Variants in SOX30 observed in about 807,000 individuals in gnomAD.
SOX30 encodes transcription factor SOX-30.
Under a neutral mutation model 58.6 loss-of-function variants are expected in SOX30, and 17 were observed. The ratio of observed to expected loss-of-function variants is 0.29; its 90% CI spans 0.20 to 0.44. The LOEUF is 0.44. Ranked by LOEUF, SOX30 falls within the 20% of genes least tolerant of loss-of-function variation. The pLI is 1.00. For missense variants in SOX30, 951 were observed against 965.8 expected, an observed-to-expected ratio of 0.98 and a Z score of 0.20; for synonymous variants, 421 against 400.2, an observed-to-expected ratio of 1.05 and a Z score of -0.62.
intron 4 of SOX30, among the ~76,000 whole-genome samples, chr5:157,627,383 A>C (rs1251721250): frequency 6.6e-6 from 1 of 152,086 alleles, no homozygotes; most frequent in East Asian, 1.9e-4. Flanking sequence ...AAACAAACAA[A>C]AAAACCCACA....
At position 157,651,690 on chromosome 5, in the gene SOX30, G is replaced by A. The variant is rs1444939953; in HGVS notation, c.389C>T (p.Pro130Leu). The change falls in exon 1 of 5, where the codon CCC (proline) becomes CTC (leucine). Residue 130 changes from proline (P) to leucine (L), a missense_variant. By Grantham distance (98) the Pro-to-Leu change is moderately conservative. This residue lies in a region of SOX30 where 363 missense variants were observed against 294.5 expected (regional missense o/e 1.23). Coordinates refer to ENST00000265007, the MANE Select transcript of SOX30 (RefSeq NM_178424.2). ...TSRPELHPVQ[P>L]LALHVKAKKQ... ...CTTGGCCTTGACATGCAGCGCCAGG[G>A]GCTGCACCGGGTGCAACTCGGGCCT... 3.1e-6 allele frequency: 5 copies of A among 1,599,060 alleles called. No homozygotes were observed. The highest frequency in any genetic ancestry group is 4.3e-6 in the Non-Finnish European group (5 of 1,174,080).
chr5:157,658,200 G>T (rs576374358), intron 2 of SOX30, among the ~76,000 whole-genome samples: 27 of 152,254 alleles, frequency 1.8e-4, no homozygotes, highest in Non-Finnish European at 2.8e-4. Flanking sequence ...TTTAAAAAGT[G>T]GTTATGTAAA....
rs148326618 is a variant in SOX30, at chr5:157,658,185, A to G, written c.53-9289T>C. Among the ~76,000 whole-genome samples the G allele has an allele frequency of 2.4e-3, 363 of 152,326 alleles. 3 individuals are homozygous for G. The highest frequency in any genetic ancestry group is 8.4e-3 in the African/African-American group (351 of 41,560). ...TTCTATGGAATAAAGTTGCATCAAA[A>G]CCAATTTAAAAAGTGGTTATGTAAA... is the stretch of plus-strand genomic sequence containing the variant. On this transcript the variant is annotated intron_variant, in intron 2 of 5. Coordinates refer to the SOX30 transcript ENST00000519442.
intron 1 of SOX30, among the ~76,000 whole-genome samples, chr5:157,650,780 AT>A (rs1759309051): frequency 6.6e-6 from 1 of 152,192 alleles, no homozygotes; most frequent in Admixed American, 6.5e-5. Context: ...ATACTACAAT[AT>A]TTTTAATCTT....
chr5:157,650,789 CTTGA>C (rs1286281960), intron 1 of SOX30, among the ~76,000 whole-genome samples: 4 of 152,116 alleles, frequency 2.6e-5, no homozygotes, highest in Admixed American at 1.3e-4. Flanking sequence ...TATTTTTAAT[CTTGA>C]TTATTTGTAG....
intron 3 of SOX30, among the ~76,000 whole-genome samples, chr5:157,643,357 T>C (rs1180200871): frequency 2.0e-5 from 3 of 152,064 alleles, no homozygotes; most frequent in Non-Finnish European, 4.4e-5. Context: ...GAGGTGGAGG[T>C]TGCAGTGAGC....
At chr5:157,642,408 C>T (rs1046449798) in intron 3 of SOX30, among the ~76,000 whole-genome samples, 7 of 151,134 alleles carry the variant, frequency 4.6e-5, no homozygotes, top group African/African-American at 9.7e-5. Flanking sequence ...AAATATTATG[C>T]GGTAGTAATC....
At chr5:157,632,502 T>G (rs1406916172) in intron 4 of SOX30, among the ~76,000 whole-genome samples, 1 of 152,128 alleles carries the variant, frequency 6.6e-6, no homozygotes, top group East Asian at 1.9e-4. Flanking sequence ...TAATCCCAGC[T>G]ACTCGGGAGG....
chr5:157,638,751 G>T, intron 3 of SOX30, 29 bp from the exon 4 acceptor site: 11 of 1,553,456 alleles, frequency 7.1e-6, no homozygotes, highest in Non-Finnish European at 9.6e-6. Flanking sequence ...CATAAATCAA[G>T]AATTAACTGA....
chr5:157,646,883 T>C, intron 2 of SOX30, 67 bp from the exon 3 acceptor site: 1 of 1,185,606 alleles, frequency 8.4e-7, no homozygotes, highest in Non-Finnish European at 1.2e-6. Flanking sequence ...TTTTTCATAC[T>C]AAAATGCAAA....
In SOX30 at chr5:157,651,470, G is replaced by A. The variant is rs755415991; in HGVS notation, c.609C>T (p.Ser203=). 29 of 1,613,264 alleles carry A rather than the reference G, an allele frequency of 1.8e-5. No homozygotes were observed. The highest frequency in any genetic ancestry group is 5.3e-5 in the African/African-American group (4 of 74,950). The change falls in exon 1 of 5, where the codon AGC becomes AGT. Residue 203 remains serine, a synonymous_variant. Transcript: ENST00000265007. ...TCACACCTTCTCGGATGGCTGCCGG[G>A]CTTTTGCCTGCCCCGCCTTGCATCG... The part of the protein sequence containing the change: ...RDSMQGGAGK[S]PAAIREGVIK...
Position 157,651,670 on chromosome 5 carries a change from C to T in SOX30, c.409G>A (p.Ala137Thr). Residue 137 changes from alanine to threonine, a missense_variant, in exon 1 of 5, where the codon GCC becomes ACC. By Grantham distance (58) the Ala-to-Thr change is moderately conservative (BLOSUM62 0). Transcript: ENST00000265007. ...CTGGGCCCCAGCTTCTGCTTCTTGG[C>T]CTTGACATGCAGCGCCAGGGGCTGC... The part of the protein sequence containing the change: ...PVQPLALHVK[A>T]KKQKLGPSLD... 1.9e-6 allele frequency: 3 copies of T among 1,609,436 alleles called. No individual in the cohort carries two copies. The highest frequency in any genetic ancestry group is 2.5e-6 in the Non-Finnish European group (3 of 1,178,618).
rs1356710600 is a variant in SOX30 at position 157,638,414 on chromosome 5, T to C, written c.1696A>G (p.Arg566Gly). 1.2e-6 allele frequency: 2 copies of C among 1,613,758 alleles called. No individual in the cohort carries two copies. Among genetic ancestry groups the C allele is most frequent in the South Asian group, 1.1e-5 (1 of 91,078 alleles). The change falls in exon 4 of 5, where the codon AGG becomes GGG. Residue 566 changes from arginine to glycine, a missense_variant. Physicochemically the swap from Arg to Gly is moderately radical, Grantham distance 125 (BLOSUM62 -2). Around this residue, in one of 7 missense-constraint regions of SOX30, gnomAD observed 381 missense variants for 390.0 expected, o/e 0.98. Transcript: ENST00000265007. ...CAAGGGGAAACGCTGGAATACTCCC[T>C]AGGAGGTTGGATGGTCGAAGTTGCA... ...RFATSTIQPP[R>G]EYSSVSPCPR...
At chr5:157,638,176 G>A (rs534889707) in intron 4 of SOX30, 54 bp downstream of exon 4, 2 of 1,473,472 alleles carry the variant, frequency 1.4e-6, no homozygotes, top group East Asian at 2.3e-5. Flanking sequence ...GTTGTCACAG[G>A]TAAAAACTCA....
intron 2 of SOX30, among the ~76,000 whole-genome samples, chr5:157,660,506 AC>A (rs1324176666): frequency 6.6e-6 from 1 of 151,350 alleles, no homozygotes; most frequent in African/African-American, 2.4e-5. Context: ...TAAAAAATAT[AC>A]CCTTGGCCAA....
At chr5:157,667,683 G>T in intron 2 of SOX30, 1 of 1,410,080 alleles carries the variant, frequency 7.1e-7, no homozygotes, top group South Asian at 1.4e-5. Context: ...AGGCTGCAGT[G>T]ACCTGATATC....
Position 157,652,142 on chromosome 5 carries a change from C to A in SOX30, c.-64G>T, listed in dbSNP as rs576233899. Reference sequence around the variant, plus strand: ...CCGTTTGTTGGCGACCTTCCCCCTCCCCCTTTCGGTTAAGAGCCTTGCAAG... The same window carrying A: ...CCGTTTGTTGGCGACCTTCCCCCTCACCCTTTCGGTTAAGAGCCTTGCAAG... On this transcript the variant is annotated 5_prime_UTR_variant, in exon 1 of 5. Coordinates refer to ENST00000265007, the MANE Select transcript of SOX30 (RefSeq NM_178424.2). 10 of 1,381,532 alleles carry A rather than the reference C, an allele frequency of 7.2e-6. No individual in the cohort carries two copies. In the African/African-American group the frequency reaches 1.4e-4, roughly 19 times the overall value. 85.6% of individuals were successfully genotyped at this position (1,381,532 alleles called of 1,614,324 possible). A position where few individuals can be genotyped will look rare whatever the true frequency, so the allele number is the denominator to read the frequency against.
At chr5:157,633,320 C>T (rs1758855588) in intron 4 of SOX30, among the ~76,000 whole-genome samples, 1 of 152,162 alleles carries the variant, frequency 6.6e-6, no homozygotes, top group South Asian at 2.1e-4. Flanking sequence ...ACTACAGGTG[C>T]ATGACAGCAC....
intron 1 of SOX30, among the ~76,000 whole-genome samples, chr5:157,670,396 C>G (rs1759756247): frequency 6.6e-6 from 1 of 152,116 alleles, no homozygotes; most frequent in Admixed American, 6.5e-5. Flanking sequence ...CAGTGGCTAC[C>G]TTAAAAGGAT....
Sources: gnomAD v4.1 joint callset for allele counts (sites outside exome capture counted in the v4.1 genomes callset) on GRCh38, gnomAD v4.1.1 for gene constraint, gnomAD v4.1.1 regional missense constraint, MANE v1.5 for transcripts, NCBI Gene and HGNC (gene_info 2026-07-23, HGNC 2026-07-21) for gene names.